Variants in SAMM50 observed in about 807,000 individuals in gnomAD.
The protein encoded by SAMM50 is SAMM50 sorting and assembly machinery component.
A neutral mutation model predicts 66.9 loss-of-function variants in SAMM50; 47 were observed. The observed-to-expected ratio is 0.70, with a 90% confidence interval of 0.56 to 0.90. The LOEUF (loss-of-function observed/expected upper bound fraction) is 0.90. Ranked by LOEUF, SAMM50 falls within the 40% of genes least tolerant of loss-of-function variation. The pLI, the probability that SAMM50 is intolerant of heterozygous loss-of-function variation, is 0.00. For missense variants in SAMM50, 535 were observed against 595.3 expected (o/e 0.90, Z 1.05); for synonymous variants, 191 against 214.1 (o/e 0.89, Z 0.94).
intron 13 of SAMM50, 33 bp from the exon 14 acceptor site, chr22:43,990,232 C>T (rs373266247): frequency 6.8e-5 from 109 of 1,613,532 alleles, no homozygotes; most frequent in Middle Eastern, 1.6e-4. Flanking sequence ...AGGACGGGCA[C>T]GCACTGTTGC....
chr22:43,964,384 T>C lies in SAMM50; in HGVS notation c.133-68T>C, dbSNP rs1004848291. On this transcript the variant is annotated intron_variant, in intron 2 of 14. Coordinates refer to ENST00000350028, the MANE Select transcript of SAMM50 (RefSeq NM_015380.5). ...TGACATTAATTAAACCTTGACATTG[T>C]CTTTAGTCTTGACACCTAATCTGTT... The C allele has an allele frequency of 7.3e-5, 54 of 737,236 alleles. No homozygotes were observed. In the South Asian group the frequency reaches 9.8e-4, roughly 13 times the overall value. The allele number at this position is 737,236 out of a possible 1,614,324, so 45.7% of individuals were successfully genotyped here. A position where few individuals can be genotyped will look rare whatever the true frequency, so the allele number is the denominator to read the frequency against.
intron 10 of SAMM50, among the ~76,000 whole-genome samples, chr22:43,979,787 A>G (rs1222566504): frequency 1.3e-5 from 2 of 151,988 alleles, no homozygotes; most frequent in Non-Finnish European, 2.9e-5. Context: ...TGCCTGTCTC[A>G]TGCTTCGGCT....
intron 14 of SAMM50, among the ~76,000 whole-genome samples, chr22:43,991,059 C>T (rs1488937782): frequency 6.6e-6 from 1 of 152,044 alleles, no homozygotes; most frequent in Non-Finnish European, 1.5e-5. Flanking sequence ...TCACTGCAAC[C>T]TCTGCCTCCC....
chr22:43,960,261 C>T (rs974038202), intron 1 of SAMM50, among the ~76,000 whole-genome samples: 2 of 152,106 alleles, frequency 1.3e-5, no homozygotes, highest in Non-Finnish European at 2.9e-5. Flanking sequence ...CCATTCTTTG[C>T]CTAACATGAT....
intron 3 of SAMM50, among the ~76,000 whole-genome samples, chr22:43,966,986 G>A (rs2050176866): frequency 6.6e-6 from 1 of 152,148 alleles, no homozygotes; most frequent in Admixed American, 6.5e-5. Context: ...ATTTGCCTTT[G>A]AATGTGTCTG....
intron 14 of SAMM50, among the ~76,000 whole-genome samples, chr22:43,994,980 TTTCTAAGTAGCGAA>T (rs1186225320): frequency 1.3e-5 from 2 of 152,342 alleles, no homozygotes; most frequent in African/African-American, 4.8e-5. Flanking sequence ...TTCAGGCATT[TTTCTAAGTAGCGAA>T]TGTAGGTATA....
intron 7 of SAMM50, 37 bp from the exon 8 acceptor site, chr22:43,976,018 G>C: frequency 6.3e-7 from 1 of 1,583,266 alleles, no homozygotes; most frequent in Non-Finnish European, 8.6e-7. Flanking sequence ...TCCTAAGTAT[G>C]TGTGGTCCGG....
At chr22:43,956,262 G>A (rs992438121) in intron 1 of SAMM50, among the ~76,000 whole-genome samples, 1 of 152,116 alleles carries the variant, frequency 6.6e-6, no homozygotes, top group Non-Finnish European at 1.5e-5. Context: ...CTTCTCCAAG[G>A]TCACATAGTT....
rs1176245235 is a variant in SAMM50 at position 43,964,524 on chromosome 22, G to C, written c.205G>C (p.Asp69His). 2 of 1,610,398 alleles carry C rather than the reference G, an allele frequency of 1.2e-6. No individual in the cohort carries two copies. The highest frequency in any genetic ancestry group is 2.7e-5 in the African/African-American group (2 of 74,826). Residue 69 changes from aspartate to histidine, a missense_variant, in exon 3 of 15, where the codon GAT becomes CAT. Asp to His is a moderately conservative substitution (Grantham distance 81). Coordinates refer to ENST00000350028, the MANE Select transcript of SAMM50 (RefSeq NM_015380.5). ...KDDIIICEIG[D>H]VFKAKNLIEV... ...TGATATCATCATTTGTGAAATTGGA[G>C]ATGTTTTCAAGGCCAAAAACCTAAT...
intron 3 of SAMM50, among the ~76,000 whole-genome samples, chr22:43,968,232 AAAAAAAAAAAAAAAAG>A (rs1018161437): frequency 6.9e-6 from 1 of 145,714 alleles, no homozygotes; most frequent in Non-Finnish European, 1.5e-5. Flanking sequence ...GTCTCAAAAA[AAAAAAAAAAAAAAAAG>A]AAAAAAGAAA....
chr22:43,982,323 A>T (rs2050268933), intron 11 of SAMM50, among the ~76,000 whole-genome samples: 1 of 152,250 alleles, frequency 6.6e-6, no homozygotes, highest in African/African-American at 2.4e-5. Flanking sequence ...AAGAATTTGA[A>T]ACTGCCTTAT....
Position 43,991,324 on chromosome 22 carries a change from C to G in SAMM50, c.1364+918C>G, listed in dbSNP as rs145896823. ...GACTCGGTCTTTCTCTGTCACCCAG[C>G]TGGAGTACAATGGCCTGACCATGGC... On this transcript the variant is annotated intron_variant, in intron 14 of 14. Transcript: ENST00000350028. Among the ~76,000 whole-genome samples, 1,002 of 146,938 alleles carry G rather than the reference C, an allele frequency of 6.8e-3. 8 individuals carry two copies. The highest frequency in any genetic ancestry group is 0.024 in the African/African-American group (957 of 39,312).
intron 12 of SAMM50, chr22:43,986,915 A>G (rs1336033227): frequency 6.6e-6 from 1 of 151,610 alleles, no homozygotes; most frequent in Non-Finnish European, 1.5e-5. Flanking sequence ...CAACAACTAC[A>G]CTCTGCATAA....
chr22:43,968,586 A>G (rs923558770), intron 3 of SAMM50, 145 bp from the exon 4 acceptor site: 4 of 620,624 alleles, frequency 6.4e-6, no homozygotes, highest in African/African-American at 3.7e-5. Context: ...CCCTTCTGTC[A>G]TGTGGCTGGT....
intron 14 of SAMM50, among the ~76,000 whole-genome samples, chr22:43,991,852 C>T (rs1444268002): frequency 6.6e-6 from 1 of 152,174 alleles, no homozygotes; most frequent in Non-Finnish European, 1.5e-5. Flanking sequence ...CTTATGCGGC[C>T]CCTAATTCCA....
intron 9 of SAMM50, 77 bp downstream of exon 9, chr22:43,976,898 TGGGTGGGCCTGG>T (rs1464902194): frequency 3.7e-6 from 2 of 547,552 alleles, no homozygotes; most frequent in Non-Finnish European, 6.7e-6. Context: ...CCCGGTGGGC[TGGGTGGGCCTGG>T]GGGTGGGCAG....
chr22:43,991,275 ATTTT>A (rs938187573), intron 14 of SAMM50, among the ~76,000 whole-genome samples: 48 of 116,626 alleles, frequency 4.1e-4, no homozygotes, highest in Non-Finnish European at 5.6e-4. Flanking sequence ...CACGCCCGGC[ATTTT>A]TTTTTTTTTT....
At chr22:43,956,066 A>G (rs2050117921) in intron 1 of SAMM50, among the ~76,000 whole-genome samples, 1 of 152,162 alleles carries the variant, frequency 6.6e-6, no homozygotes, top group African/African-American at 2.4e-5. Flanking sequence ...CAAAAGACGG[A>G]ACCGCTCTCT....
At chr22:43,985,371 A>C (rs944909861) in intron 12 of SAMM50, among the ~76,000 whole-genome samples, 2 of 151,914 alleles carry the variant, frequency 1.3e-5, no homozygotes, top group Non-Finnish European at 2.9e-5. Context: ...CTCCCACCAG[A>C]CCACTGGAAA....
Sources: gnomAD v4.1 joint callset for allele counts (sites outside exome capture counted in the v4.1 genomes callset) on GRCh38, gnomAD v4.1.1 for gene constraint, MANE v1.5 for transcripts, NCBI Gene and HGNC (gene_info 2026-07-23, HGNC 2026-07-21) for gene names.